The following RANBP9 variants were observed in gnomAD, a reference collection of about 807,000 sequenced individuals.
RANBP9 encodes RAN binding protein 9.
RANBP9 carries 15 observed loss-of-function variants against 84.3 expected under a neutral mutation model. The observed-to-expected ratio is 0.18, with a 90% CI of 0.12 to 0.27. The LOEUF (loss-of-function observed/expected upper bound fraction) is 0.27. Ranked by LOEUF, RANBP9 falls within the 10% of genes least tolerant of loss-of-function variation. The pLI, the probability that RANBP9 is intolerant of heterozygous loss-of-function variation, is 1.00. For missense variants in RANBP9, 809 were observed against 912.8 expected (o/e 0.89, Z 1.46); for synonymous variants, 392 against 349.6 (o/e 1.12, Z -1.35).
intron 5 of RANBP9, 69 bp downstream of exon 5, chr6:13,652,590 T>A: frequency 5.2e-6 from 7 of 1,356,186 alleles, no homozygotes; most frequent in Non-Finnish European, 7.2e-6. Flanking sequence ...TTTCTAAATA[T>A]GCCCAGTATC....
intron 12 of RANBP9, among the ~76,000 whole-genome samples, chr6:13,630,735 C>A (rs762595882): frequency 6.6e-6 from 1 of 152,106 alleles, no homozygotes; most frequent in Non-Finnish European, 1.5e-5. Context: ...GATACCACAA[C>A]AGACTAAAGG....
In RANBP9 at chr6:13,675,606, G is replaced by C. The variant is rs937417206; in HGVS notation, c.684-16774C>G. 1.5e-4 allele frequency among the ~76,000 whole-genome samples: 22 copies of C among 149,140 alleles called. 1 individual carries two copies. Among genetic ancestry groups the C allele is most frequent in the Admixed American group, 3.3e-4 (5 of 14,958 alleles). On this transcript the variant is annotated intron_variant, in intron 2 of 13. Transcript: ENST00000011619. ...AAATACAAACCTAGAGAAAGAAGAA[G>C]AAATGAGAAATAGAGATAGCAATGA...
chr6:13,702,346 GGGA>G (rs1396951121), intron 1 of RANBP9, among the ~76,000 whole-genome samples: 1 of 152,158 alleles, frequency 6.6e-6, no homozygotes, highest in Non-Finnish European at 1.5e-5. Context: ...GGGAGGCTGA[GGGA>G]GGAGAATTGC....
rs1200103062 is a variant in RANBP9, at chr6:13,657,286, A to G, written c.737-10T>C. On this transcript the variant is annotated splice_polypyrimidine_tract_variant and intron_variant, in intron 3 of 13. Transcript: ENST00000011619. The stretch of plus-strand genomic sequence containing the variant: ...GAATGCTTATCCCAACCTAAGGAGA[A>G]AGTTCCGGCATATTTACAATGAAAA... The G allele has an allele frequency of 6.2e-7, 1 of 1,604,632 alleles. No individual in the cohort carries two copies.
intron 2 of RANBP9, among the ~76,000 whole-genome samples, chr6:13,660,058 T>C (rs898280612): frequency 1.3e-5 from 2 of 152,358 alleles, no homozygotes; most frequent in African/African-American, 2.4e-5. Flanking sequence ...AAGAGGAACA[T>C]TTTAATATTT....
At position 13,645,830 on chromosome 6, in the gene RANBP9, TTC is replaced by T. The variant is rs567415997; in HGVS notation, c.928-1103_928-1102del. Among the ~76,000 whole-genome samples the T allele has an allele frequency of 5.3e-4, 80 of 152,322 alleles. No individual in the cohort carries two copies. In the South Asian group the frequency reaches 0.016, roughly 31 times the overall value. On this transcript the variant is annotated intron_variant, in intron 5 of 13. Coordinates refer to ENST00000011619, the MANE Select transcript of RANBP9 (RefSeq NM_005493.3). ...AAGGTAAAGATCAAGAGCGGATAAT[TTC>T]TGTGTGAATATGTTAAATAGATTTC...
chr6:13,676,750 A>G lies in RANBP9; in HGVS notation c.684-17918T>C, dbSNP rs138227478. Among the ~76,000 whole-genome samples the G allele has an allele frequency of 2.0e-5, 3 of 152,238 alleles. No homozygotes were observed. The East Asian group carries it at 5.8e-4, about 29-fold the overall frequency. The stretch of plus-strand genomic sequence containing the variant: ...ATGTAATCAATCACATCAAGAAACT[A>G]AAGAAGAAAAATCACGTGATCAGAC... On this transcript the variant is annotated intron_variant, in intron 2 of 13. Coordinates refer to ENST00000011619, the MANE Select transcript of RANBP9 (RefSeq NM_005493.3).
At chr6:13,640,305 A>C (rs1454276353) in intron 8 of RANBP9, among the ~76,000 whole-genome samples, 1 of 152,246 alleles carries the variant, frequency 6.6e-6, no homozygotes, top group Non-Finnish European at 1.5e-5. Context: ...TTAAGTAACA[A>C]AGATTCATAA....
chr6:13,667,996 AT>A (rs1195395371), intron 2 of RANBP9, among the ~76,000 whole-genome samples: 2 of 152,108 alleles, frequency 1.3e-5, no homozygotes, highest in East Asian at 3.8e-4. Context: ...AATTATAAAG[AT>A]TAGGGGAGAA....
intron 3 of RANBP9, among the ~76,000 whole-genome samples, chr6:13,657,793 GT>G (rs1765437171): frequency 6.6e-6 from 1 of 152,128 alleles, no homozygotes; most frequent in Non-Finnish European, 1.5e-5. Context: ...TCTATAAGGA[GT>G]TTTCAAATAA....
At chr6:13,682,948 T>C (rs550105091) in intron 2 of RANBP9, among the ~76,000 whole-genome samples, 35 of 152,318 alleles carry the variant, frequency 2.3e-4, no homozygotes, top group African/African-American at 7.7e-4. Context: ...AAAATCTTAA[T>C]TCTAAAATCT....
intron 2 of RANBP9, among the ~76,000 whole-genome samples, chr6:13,669,091 T>C (rs1765716311): frequency 6.6e-6 from 1 of 151,726 alleles, no homozygotes; most frequent in Non-Finnish European, 1.5e-5. Flanking sequence ...ACACTAGAAA[T>C]AATTTGAAAA....
chr6:13,687,561 G>C (rs534115963), intron 2 of RANBP9, among the ~76,000 whole-genome samples: 62 of 151,782 alleles, frequency 4.1e-4, no homozygotes, highest in African/African-American at 1.5e-3. Flanking sequence ...AATCTTCTAA[G>C]ACAAAAGCTA....
intron 2 of RANBP9, among the ~76,000 whole-genome samples, chr6:13,690,695 T>C (rs970976497): frequency 1.3e-5 from 2 of 152,178 alleles, no homozygotes; most frequent in Admixed American, 6.5e-5. Context: ...CTCTCTCACA[T>C]TTAGAATTAA....
chr6:13,650,158 GTTT>G (rs1196217631), intron 5 of RANBP9, among the ~76,000 whole-genome samples: 6 of 143,798 alleles, frequency 4.2e-5, no homozygotes, highest in African/African-American at 1.0e-4. Context: ...TTGTTGTTGT[GTTT>G]TTTTGTTTTT....
chr6:13,632,331 C>T, intron 12 of RANBP9, 39 bp downstream of exon 12: 1 of 1,589,888 alleles, frequency 6.3e-7, no homozygotes, highest in Non-Finnish European at 8.6e-7. Context: ...TTTAGTTCCT[C>T]TGACATATTC....
At chr6:13,692,526 T>G (rs1182055425) in intron 2 of RANBP9, among the ~76,000 whole-genome samples, 1 of 6,074 alleles carries the variant, frequency 1.6e-4, no homozygotes, top group Non-Finnish European at 2.8e-4. Context: ...AAACTCCGTC[T>G]CAAAAAAAAA....
chr6:13,630,740 T>C (rs1012322776), intron 12 of RANBP9, among the ~76,000 whole-genome samples: 3 of 152,112 alleles, frequency 2.0e-5, no homozygotes, highest in African/African-American at 7.2e-5. Flanking sequence ...CACAACAGAC[T>C]AAAGGCAGTC....
chr6:13,637,984 G>C (rs1764981115), intron 9 of RANBP9, 29 bp from the exon 10 acceptor site: 2 of 1,562,144 alleles, frequency 1.3e-6, no homozygotes, highest in Admixed American at 2.0e-5. Flanking sequence ...CGTAGAAACA[G>C]AAACAAACAC....
Sources: gnomAD v4.1 joint callset for allele counts (sites outside exome capture counted in the v4.1 genomes callset) on GRCh38, gnomAD v4.1.1 for gene constraint, MANE v1.5 for transcripts, NCBI Gene and HGNC (gene_info 2026-07-23, HGNC 2026-07-21) for gene names.